The following SPMAP2L variants were observed in gnomAD, a reference collection of about 807,000 sequenced individuals.
SPMAP2L encodes the protein sperm microtubule associated protein 2 like.
the SPMAP2L span, among the ~76,000 whole-genome samples, chr4:56,620,816 C>T: frequency 6.6e-6 from 1 of 152,178 alleles, no homozygotes. Context: ...AATTTTAAGT[C>T]TCACTGTAAG....
At chr4:56,561,433 G>A in the SPMAP2L span, among the ~76,000 whole-genome samples, 17 of 152,224 alleles carry the variant, frequency 1.1e-4, no homozygotes, top group East Asian at 2.3e-3. Context: ...GAAGCATAGC[G>A]CTGGCATCTG....
chr4:56,552,500 C>A, the SPMAP2L span: 1 of 1,000,986 alleles, frequency 1.0e-6, no homozygotes, highest in Non-Finnish European at 1.5e-6. Flanking sequence ...TCTAATGTAA[C>A]CACATTTCTT....
chr4:56,556,436 G>T, the SPMAP2L span, among the ~76,000 whole-genome samples: 8 of 152,324 alleles, frequency 5.3e-5, no homozygotes, highest in East Asian at 1.2e-3. Flanking sequence ...AGGGGGATAG[G>T]TTTGGGAGGA....
chr4:56,569,571 A>ATCC, the SPMAP2L span, among the ~76,000 whole-genome samples: 1 of 151,968 alleles, frequency 6.6e-6, no homozygotes, highest in Non-Finnish European at 1.5e-5. Flanking sequence ...GTACTTTGGG[A>ATCC]AGCCCAGGTG....
the SPMAP2L span, among the ~76,000 whole-genome samples, chr4:56,563,631 C>G: frequency 6.6e-6 from 1 of 152,068 alleles, no homozygotes; most frequent in Non-Finnish European, 1.5e-5. Flanking sequence ...GGCCATTTCT[C>G]TATCTCTTTC....
the SPMAP2L span, among the ~76,000 whole-genome samples, chr4:56,575,078 G>A: frequency 2.3e-5 from 3 of 128,848 alleles, no homozygotes; most frequent in African/African-American, 6.4e-5. Context: ...GTGAAACCCC[G>A]TCTCTACTAA....
the SPMAP2L span, among the ~76,000 whole-genome samples, chr4:56,543,654 C>T: frequency 6.6e-6 from 1 of 151,980 alleles, no homozygotes; most frequent in Non-Finnish European, 1.5e-5. Flanking sequence ...TGCGCCACTG[C>T]ACTCCAGCCT....
the SPMAP2L span, among the ~76,000 whole-genome samples, chr4:56,612,413 C>T: frequency 6.6e-6 from 1 of 152,046 alleles, no homozygotes; most frequent in Non-Finnish European, 1.5e-5. Flanking sequence ...GCGATCTTGT[C>T]TCACTGTAAT....
At chr4:56,540,461 T>C in the SPMAP2L span, among the ~76,000 whole-genome samples, 3 of 152,134 alleles carry the variant, frequency 2.0e-5, no homozygotes, top group Non-Finnish European at 4.4e-5. Flanking sequence ...GAGAATCGCT[T>C]GAACCCGGTA....
chr4:56,613,325 C>T, the SPMAP2L span, among the ~76,000 whole-genome samples: 1 of 152,126 alleles, frequency 6.6e-6, no homozygotes, highest in South Asian at 2.1e-4. Flanking sequence ...GTGTGGTCTG[C>T]TAGGACTTCC....
chr4:56,559,334 T>A, the SPMAP2L span: 1 of 1,229,868 alleles, frequency 8.1e-7, no homozygotes, highest in Non-Finnish European at 1.0e-6. Flanking sequence ...AGTCATTTTT[T>A]ATATTTTCAC....
chr4:56,571,005 T>C, the SPMAP2L span, among the ~76,000 whole-genome samples: 3 of 151,966 alleles, frequency 2.0e-5, no homozygotes, highest in African/African-American at 4.8e-5. Flanking sequence ...GGTTTCGCCA[T>C]GTTGGCCAGG....
the SPMAP2L span, among the ~76,000 whole-genome samples, chr4:56,625,681 C>G: frequency 7.8e-4 from 118 of 152,244 alleles, 1 homozygote; most frequent in Admixed American, 5.3e-3. Flanking sequence ...GTAAGAAGTG[C>G]CTTTCACCTC....
At chr4:56,623,329 A>G in the SPMAP2L span, among the ~76,000 whole-genome samples, 3 of 152,068 alleles carry the variant, frequency 2.0e-5, no homozygotes, top group South Asian at 2.1e-4. Flanking sequence ...CTCCTCCACA[A>G]TGCCCCACCT....
At chr4:56,585,059 C>T in the SPMAP2L span, among the ~76,000 whole-genome samples, 3 of 152,198 alleles carry the variant, frequency 2.0e-5, no homozygotes, top group South Asian at 2.1e-4. Context: ...AAGGGAGGCT[C>T]AGCAGTATTT....
At chr4:56,587,214 A>G in the SPMAP2L span, among the ~76,000 whole-genome samples, 4 of 151,990 alleles carry the variant, frequency 2.6e-5, no homozygotes, top group African/African-American at 9.7e-5. Context: ...CATTCAACTT[A>G]CTCATTTTAC....
the SPMAP2L span, among the ~76,000 whole-genome samples, chr4:56,586,283 A>G: frequency 1.3e-5 from 2 of 152,146 alleles, no homozygotes; most frequent in African/African-American, 4.8e-5. Context: ...ATACTGGCAT[A>G]TTCTTTTCTT....
At chr4:56,537,759 C>T in the SPMAP2L span, among the ~76,000 whole-genome samples, 1 of 151,748 alleles carries the variant, frequency 6.6e-6, no homozygotes, top group East Asian at 1.9e-4. Context: ...GGCGCGCGAT[C>T]TCGGCTCACT....
the SPMAP2L span, among the ~76,000 whole-genome samples, chr4:56,541,482 C>A: frequency 6.6e-6 from 1 of 151,778 alleles, no homozygotes; most frequent in South Asian, 2.1e-4. Context: ...GTTTTTATTT[C>A]TAAGTTATTT....
Sources: gnomAD v4.1 joint callset for allele counts (sites outside exome capture counted in the v4.1 genomes callset) on GRCh38, gnomAD v4.1.1 for gene constraint, MANE v1.5 for transcripts, NCBI Gene and HGNC (gene_info 2026-07-23, HGNC 2026-07-21) for gene names.